STPG4: variants seen among roughly 807,000 people sequenced by gnomAD.
STPG4 encodes sperm-tail PG-rich repeat containing 4, also known as protein STPG4.
A neutral mutation model predicts 31.5 loss-of-function variants in STPG4; 41 were observed. The observed-to-expected ratio is 1.30, with a 90% CI of 1.01 to 1.69. The LOEUF is 1.69. STPG4 is among the 40% of genes most tolerant of loss of function. STPG4 has a pLI of 0.00. For synonymous variants in STPG4, 141 were observed against 103.0 expected, an observed-to-expected ratio of 1.37 and a Z score of -2.24; for missense variants, 375 against 293.4, an observed-to-expected ratio of 1.28 and a Z score of -2.03.
chr2:47,130,503 A>G (rs976106390), intron 3 of STPG4, among the ~76,000 whole-genome samples: 1 of 152,144 alleles, frequency 6.6e-6, no homozygotes, highest in Non-Finnish European at 1.5e-5. Context: ...GAAAATGTCA[A>G]ATTGATCACA....
intron 5 of STPG4, among the ~76,000 whole-genome samples, chr2:47,099,961 C>A (rs1685756566): frequency 6.6e-6 from 1 of 152,176 alleles, no homozygotes; most frequent in African/African-American, 2.4e-5. Flanking sequence ...GTCTTAGCTG[C>A]CTTCCCAAGG....
At chr2:47,144,496 T>C (rs961475915) in intron 3 of STPG4, among the ~76,000 whole-genome samples, 1 of 152,102 alleles carries the variant, frequency 6.6e-6, no homozygotes, top group Non-Finnish European at 1.5e-5. Context: ...CCAGCCTGGG[T>C]AACATAGTAA....
intron 5 of STPG4, chr2:47,120,892 C>T (rs963399889): frequency 5.3e-5 from 8 of 152,104 alleles, no homozygotes; most frequent in African/African-American, 9.7e-5. Context: ...TCTCACCCTA[C>T]CCCCGCAACA....
intron 3 of STPG4, 49 bp downstream of exon 3, chr2:47,151,209 G>A: frequency 1.2e-6 from 2 of 1,600,796 alleles, no homozygotes; most frequent in Middle Eastern, 3.4e-4. Context: ...TTTCCTCAGG[G>A]GCTCTTAGTA....
At chr2:47,132,572 G>C (rs1280344680) in intron 3 of STPG4, among the ~76,000 whole-genome samples, 1 of 152,148 alleles carries the variant, frequency 6.6e-6, no homozygotes, top group African/African-American at 2.4e-5. Flanking sequence ...TGCTGCTTGA[G>C]TGCTCACTTG....
chr2:47,092,640 G>C (rs72877021), intron 5 of STPG4, among the ~76,000 whole-genome samples: 3,243 of 142,402 alleles, frequency 0.023, 140 homozygotes, highest in African/African-American at 0.084. Context: ...AGAGGGGAGA[G>C]GAGGAGAAAG....
chr2:47,114,510 A>G (rs1686105603), intron 5 of STPG4, among the ~76,000 whole-genome samples: 1 of 152,184 alleles, frequency 6.6e-6, no homozygotes, highest in South Asian at 2.1e-4. Context: ...CTATCTCAAA[A>G]ATAAAAATAA....
In STPG4 at chr2:47,155,204, G is replaced by C. The variant is rs76664222; in HGVS notation, c.48C>G (p.Asp16Glu). 649 of 1,614,176 alleles carry C rather than the reference G, an allele frequency of 4.0e-4. 1 individual carries two copies. In the African/African-American group the frequency reaches 5.7e-3, roughly 14 times the overall value. The stretch of plus-strand genomic sequence containing the variant: ...TGATGAATGATTCTCCACCCACCAG[G>C]TCTTCCCTTATTGAGGTGGAAGCGG... ...VATASTSIRE[D>E]LVGGESFITA... is the part of the protein sequence containing the mutation. Residue 16 changes from aspartate (D) to glutamate (E), a missense_variant, in exon 1 of 7, where the codon GAC becomes GAG. Physicochemically the swap from Asp to Glu is conservative, Grantham distance 45 (BLOSUM62 2). Transcript: ENST00000445927.
chr2:47,123,474 T>C (rs1686312171), intron 5 of STPG4, among the ~76,000 whole-genome samples: 1 of 151,962 alleles, frequency 6.6e-6, no homozygotes, highest in South Asian at 2.1e-4. Flanking sequence ...AAAAACAGAG[T>C]AGATACATTT....
chr2:47,140,292 T>G (rs969783345), intron 3 of STPG4, among the ~76,000 whole-genome samples: 1 of 152,144 alleles, frequency 6.6e-6, no homozygotes, highest in Non-Finnish European at 1.5e-5. Context: ...GCCTTGTTAG[T>G]AAGAGAGTGC....
intron 3 of STPG4, among the ~76,000 whole-genome samples, chr2:47,131,890 G>A (rs1186313633): frequency 2.6e-5 from 4 of 152,060 alleles, no homozygotes; most frequent in Admixed American, 2.6e-4. Flanking sequence ...AAAATAGACA[G>A]GAGAGGCTTA....
intron 5 of STPG4, among the ~76,000 whole-genome samples, chr2:47,093,481 C>A (rs1685610912): frequency 6.6e-6 from 1 of 152,210 alleles, no homozygotes; most frequent in South Asian, 2.1e-4. Flanking sequence ...GCTCTGAAGC[C>A]AGATGAGTAG....
At chr2:47,150,144 C>G (rs192592350) in intron 3 of STPG4, among the ~76,000 whole-genome samples, 14 of 152,276 alleles carry the variant, frequency 9.2e-5, no homozygotes. Context: ...AAGGAAGCAA[C>G]TAAGAGAATA....
intron 2 of STPG4, 28 bp downstream of exon 2, chr2:47,152,929 A>T: frequency 6.7e-7 from 1 of 1,489,986 alleles, no homozygotes; most frequent in Non-Finnish European, 9.2e-7. Context: ...GAATAATGTG[A>T]ATAGGAAAGA....
intron 1 of STPG4, 60 bp from the exon 2 acceptor site, chr2:47,153,076 T>C (rs571619138): frequency 5.5e-6 from 7 of 1,284,074 alleles, no homozygotes; most frequent in South Asian, 3.8e-5. Flanking sequence ...AAATTAAATA[T>C]AATTTATAAA....
chr2:47,127,371 C>G (rs529376378), intron 5 of STPG4, among the ~76,000 whole-genome samples: 1 of 147,152 alleles, frequency 6.8e-6, no homozygotes, highest in African/African-American at 2.5e-5. Flanking sequence ...CAGGTTCAAG[C>G]GATTCTCATG....
chr2:47,103,084 T>C lies in STPG4; in HGVS notation c.520-12710A>G, dbSNP rs185921436. On this transcript the variant is annotated intron_variant, in intron 5 of 6. Transcript: ENST00000445927. ...CCGACGAAAGGGACAAATTCCCTAC[T>C]GGTCAGCAAGCCATCCCCAGTATGG... 5.7e-4 allele frequency among the ~76,000 whole-genome samples: 87 copies of C among 152,052 alleles called. 3 individuals are homozygous for C. The highest frequency in any genetic ancestry group is 1.8e-3 in the African/African-American group (75 of 41,348).
intron 5 of STPG4, among the ~76,000 whole-genome samples, chr2:47,125,888 G>T (rs1022158081): frequency 1.5e-4 from 23 of 152,066 alleles, no homozygotes; most frequent in African/African-American, 5.6e-4. Context: ...ATTTTGATTT[G>T]ATTTTTGTAA....
rs1292372244 is a variant in STPG4 at position 47,128,139 on chromosome 2, AG to A, written c.519+1801del. 4.6e-5 allele frequency among the ~76,000 whole-genome samples: 7 copies of A among 152,292 alleles called. No individual in the cohort carries two copies. In the East Asian group the frequency reaches 1.4e-3, roughly 29 times the overall value. On this transcript the variant is annotated intron_variant, in intron 5 of 6. Transcript: ENST00000445927. ...GGTAGTCTTGGATAAGATCTGAGCG[AG>A]TTCCCTGGATTACCAGGCAGAGACT...
Sources: gnomAD v4.1 joint callset for allele counts (sites outside exome capture counted in the v4.1 genomes callset) on GRCh38, gnomAD v4.1.1 for gene constraint, MANE v1.5 for transcripts, NCBI Gene and HGNC (gene_info 2026-07-23, HGNC 2026-07-21) for gene names.